DTD1: variants seen among roughly 807,000 people sequenced by gnomAD.
DTD1 encodes D-tyrosyl-tRNA deacylase 1 homolog.
Under a neutral mutation model 25.6 loss-of-function variants are expected in DTD1, and 13 were observed. The ratio of observed to expected loss-of-function variants is 0.51; its 90% CI spans 0.33 to 0.81. The LOEUF is 0.81. Ranked by LOEUF, DTD1 falls within the 30% of genes least tolerant of loss-of-function variation. DTD1 has a pLI of 0.02. For synonymous variants in DTD1, 110 were observed against 103.6 expected (o/e 1.06, Z -0.37); for missense variants, 193 against 266.4 (o/e 0.72, Z 1.92).
chr20:18,597,401 T>C (rs2060616419), intron 3 of DTD1, among the ~76,000 whole-genome samples: 1 of 152,212 alleles, frequency 6.6e-6, no homozygotes, highest in African/African-American at 2.4e-5. Flanking sequence ...AATTCACCTA[T>C]TTAAAGTGTA....
intron 4 of DTD1, among the ~76,000 whole-genome samples, chr20:18,722,224 C>T (rs6136494): frequency 1.3e-5 from 2 of 152,068 alleles, no homozygotes; most frequent in South Asian, 2.1e-4. Flanking sequence ...AGATGTAATT[C>T]GCACTGTAGT....
intron 4 of DTD1, among the ~76,000 whole-genome samples, chr20:18,739,281 A>G (rs556945310): frequency 1.2e-4 from 19 of 152,358 alleles, no homozygotes; most frequent in African/African-American, 3.8e-4. Flanking sequence ...TGGGCATCTT[A>G]ATTAAAAAGA....
intron 4 of DTD1, chr20:18,630,828 GT>G (rs1420326855): frequency 1.3e-5 from 2 of 153,096 alleles, no homozygotes; most frequent in African/African-American, 4.8e-5. Flanking sequence ...CTAGTCTACT[GT>G]TTTGTAGAAT....
At position 18,698,140 on chromosome 20, in the gene DTD1, C is replaced by T. The variant is rs141385691; in HGVS notation, c.478-45960C>T. ...TAGCAAATCACACATTTTTACTATT[C>T]TGATAAGCTTTTCTAGGATCTGCTG... On this transcript the variant is annotated intron_variant, in intron 4 of 5. Transcript: ENST00000377452. 3.5e-3 allele frequency among the ~76,000 whole-genome samples: 529 copies of T among 152,278 alleles called. 1 individual carries two copies. Among genetic ancestry groups the T allele is most frequent in the Non-Finnish European group, 5.8e-3 (393 of 68,018 alleles).
At chr20:18,599,595 A>T (rs903469049) in intron 3 of DTD1, among the ~76,000 whole-genome samples, 4 of 152,270 alleles carry the variant, frequency 2.6e-5, no homozygotes, top group Non-Finnish European at 4.4e-5. Flanking sequence ...AGAAGCTGCC[A>T]AACTGTCTTG....
intron 4 of DTD1, among the ~76,000 whole-genome samples, chr20:18,704,544 AG>A (rs2061118467): frequency 6.6e-6 from 1 of 152,290 alleles, no homozygotes; most frequent in Non-Finnish European, 1.5e-5. Flanking sequence ...TTCTAAGAAC[AG>A]AAATTTTGTT....
At chr20:18,669,360 C>T (rs932925355) in intron 4 of DTD1, among the ~76,000 whole-genome samples, 1 of 152,248 alleles carries the variant, frequency 6.6e-6, no homozygotes, top group African/African-American at 2.4e-5. Flanking sequence ...CTCAGGTCAG[C>T]GACTACCTCC....
intron 4 of DTD1, among the ~76,000 whole-genome samples, chr20:18,637,115 C>T (rs566042422): frequency 6.6e-6 from 1 of 152,338 alleles, no homozygotes; most frequent in African/African-American, 2.4e-5. Context: ...GTGTTGGTTT[C>T]TTCTGGACCA....
intron 5 of DTD1, among the ~76,000 whole-genome samples, chr20:18,756,525 A>G (rs1428987518): frequency 1.3e-5 from 2 of 152,130 alleles, no homozygotes; most frequent in Non-Finnish European, 2.9e-5. Context: ...ATTAAATAGG[A>G]AATCCTTTCC....
chr20:18,656,972 A>T (rs2060893756), intron 4 of DTD1, among the ~76,000 whole-genome samples: 1 of 152,256 alleles, frequency 6.6e-6, no homozygotes, highest in Non-Finnish European at 1.5e-5. Context: ...CAAAAATAGG[A>T]TGCAGATCAC....
chr20:18,643,422 C>A, intron 4 of DTD1: 1 of 220,954 alleles, frequency 4.5e-6, no homozygotes, highest in Admixed American at 4.2e-5. Context: ...GTGCCTAGCT[C>A]TTCGATTCTG....
chr20:18,600,268 G>C (rs2060628444), intron 3 of DTD1, among the ~76,000 whole-genome samples: 1 of 152,124 alleles, frequency 6.6e-6, no homozygotes. Context: ...ATTCATTTCA[G>C]ATAATTTTTG....
At chr20:18,630,434 A>T (rs1016336461) in intron 4 of DTD1, 2 of 152,042 alleles carry the variant, frequency 1.3e-5, no homozygotes, top group Admixed American at 6.6e-5. Flanking sequence ...ATCTCCGTTC[A>T]TTGCAAGCTC....
At chr20:18,732,348 T>C (rs2061241439) in intron 4 of DTD1, among the ~76,000 whole-genome samples, 1 of 152,232 alleles carries the variant, frequency 6.6e-6, no homozygotes, top group Non-Finnish European at 1.5e-5. Flanking sequence ...TTACAGTTCA[T>C]GATTATTAAC....
intron 3 of DTD1, among the ~76,000 whole-genome samples, chr20:18,622,435 T>G (rs889786410): frequency 2.0e-5 from 3 of 152,334 alleles, no homozygotes; most frequent in Admixed American, 1.3e-4. Context: ...AGAAGCAGGT[T>G]TCTAGCCAAA....
rs761656553 is a variant in DTD1 at position 18,655,443 on chromosome 20, A to AT, written c.477+27217dup. On this transcript the variant is annotated intron_variant, in intron 4 of 5. Transcript: ENST00000377452. ...GGGTAAGTCTGTTTTAATTATGGCAATTTTTTTCTGAAATACTTACTTTTA... is the reference window on the plus strand; with the variant it reads ...GGGTAAGTCTGTTTTAATTATGGCAATTTTTTTTCTGAAATACTTACTTTTA... Among the ~76,000 whole-genome samples the AT allele has an allele frequency of 5.3e-5, 8 of 152,248 alleles. No homozygotes were observed. In the Middle Eastern group the frequency reaches 0.014, roughly 259 times the overall value.
At chr20:18,607,675 A>G (rs536486416) in intron 3 of DTD1, among the ~76,000 whole-genome samples, 2 of 151,982 alleles carry the variant, frequency 1.3e-5, no homozygotes, top group South Asian at 2.1e-4. Flanking sequence ...AGTTTCCTCA[A>G]TGGATATAGG....
intron 3 of DTD1, among the ~76,000 whole-genome samples, chr20:18,597,400 A>G (rs751337845): frequency 6.6e-5 from 10 of 152,190 alleles, no homozygotes; most frequent in Non-Finnish European, 1.2e-4. Context: ...CAATTCACCT[A>G]TTTAAAGTGT....
intron 5 of DTD1, among the ~76,000 whole-genome samples, chr20:18,761,011 T>TGTGGGCGTAGGACCCTCAGAGCC (rs1401485772): frequency 8.5e-5 from 13 of 152,186 alleles, no homozygotes; most frequent in African/African-American, 2.4e-4. Flanking sequence ...AGCGAGGCTC[T>TGTGGGCGTAGGACCCTCAGAGCC]GTGGGCGTAG....
Sources: allele counts gnomAD v4.1 joint callset (sites outside exome capture counted in the v4.1 genomes callset), GRCh38; gene constraint gnomAD v4.1.1; transcripts MANE v1.5; gene names NCBI Gene and HGNC (gene_info 2026-07-23, HGNC 2026-07-21).